The following GPD1L variants were observed in gnomAD, a reference collection of about 807,000 sequenced individuals.
GPD1L encodes glycerol-3-phosphate dehydrogenase 1-like protein.
In GPD1L, 17 loss-of-function variants were observed where a neutral mutation model predicts 32.9. The observed-to-expected ratio is 0.52, with a 90% confidence interval of 0.35 to 0.78. GPD1L has a LOEUF of 0.78. Among genes scored for constraint, GPD1L ranks in the 30% least tolerant of loss-of-function variants. The probability of loss-of-function intolerance (pLI) is 0.01; values close to 1 mark genes in which losing one functional copy is unlikely to be tolerated. For synonymous variants in GPD1L, 187 were observed against 165.9 expected (o/e 1.13, Z -0.98); for missense variants, 361 against 447.8 (o/e 0.81, Z 1.75).
At chr3:32,159,460 T>G in intron 6 of GPD1L, 108 bp from the exon 7 acceptor site, 1 of 760,446 alleles carries the variant, frequency 1.3e-6, no homozygotes, top group Non-Finnish European at 2.1e-6. Context: ...GCAAGACCCA[T>G]TCTCTAAAAA....
In GPD1L at chr3:32,138,735, G is replaced by A. The variant is rs72546650; in HGVS notation, c.366+8G>A. The A allele has an allele frequency of 1.1e-3, 1,806 of 1,613,620 alleles. 16 individuals carry two copies. In the African/African-American group the frequency reaches 0.021, roughly 19 times the overall value. Reference sequence around the variant, plus strand: ...GGAATCACCCTCATCAAGGTAACTCGAGTGCATGCTGCCCAGGGCTAGACA... The same window carrying A: ...GGAATCACCCTCATCAAGGTAACTCAAGTGCATGCTGCCCAGGGCTAGACA... On this transcript the variant is annotated splice_region_variant and intron_variant, in intron 3 of 7. Coordinates refer to ENST00000282541, the MANE Select transcript of GPD1L (RefSeq NM_015141.4).
chr3:32,121,714 C>T (rs11916108), intron 1 of GPD1L, among the ~76,000 whole-genome samples: 5 of 124,414 alleles, frequency 4.0e-5, no homozygotes, highest in African/African-American at 9.0e-5. Context: ...TATATTTCTA[C>T]ATATATTTCT....
chr3:32,106,767 C>A lies in GPD1L; in HGVS notation c.47+9C>A. The A allele has an allele frequency of 6.4e-7, 1 of 1,557,884 alleles. No homozygotes were observed. The highest frequency in any genetic ancestry group is 8.7e-7 in the Non-Finnish European group (1 of 1,152,622). ...GTGGGCTCGGGGAACTGGTGAGCGG[C>A]GGCGGGCTGGAGGCCGGGGCTCCGC... is the stretch of plus-strand genomic sequence containing the variant. On this transcript the variant is annotated intron_variant, in intron 1 of 7. Coordinates refer to ENST00000282541, the MANE Select transcript of GPD1L (RefSeq NM_015141.4). The surrounding 1 kb of genome is among the most constrained non-coding windows in gnomAD (Gnocchi z 4.0).
chr3:32,150,574 C>T (rs1421491893), intron 5 of GPD1L, among the ~76,000 whole-genome samples: 3 of 150,620 alleles, frequency 2.0e-5, no homozygotes, highest in African/African-American at 7.3e-5. Context: ...GCAACCTCTG[C>T]CTTCCAGGTT....
At chr3:32,137,965 G>A (rs1262172497) in intron 2 of GPD1L, among the ~76,000 whole-genome samples, 2 of 152,218 alleles carry the variant, frequency 1.3e-5, no homozygotes, top group Non-Finnish European at 2.9e-5. Flanking sequence ...ACCCCTAAAA[G>A]GGTCAGGGAA....
At chr3:32,153,277 C>G (rs1244378070) in intron 5 of GPD1L, among the ~76,000 whole-genome samples, 2 of 152,212 alleles carry the variant, frequency 1.3e-5, no homozygotes. Context: ...CCTACATAAT[C>G]TGACATGCTA....
At chr3:32,109,737 C>T (rs1038796804) in intron 1 of GPD1L, among the ~76,000 whole-genome samples, 4 of 152,114 alleles carry the variant, frequency 2.6e-5, no homozygotes, top group Non-Finnish European at 5.9e-5. Flanking sequence ...GAGTGTTGCC[C>T]GGTGAAGAGA....
intron 1 of GPD1L, among the ~76,000 whole-genome samples, chr3:32,107,943 G>A (rs1243451433): frequency 6.6e-6 from 1 of 152,194 alleles, no homozygotes; most frequent in Non-Finnish European, 1.5e-5. Flanking sequence ...TGTTGCAGTG[G>A]TGCGATCTTG....
chr3:32,156,027 C>G (rs1700983620), intron 5 of GPD1L, among the ~76,000 whole-genome samples: 1 of 152,154 alleles, frequency 6.6e-6, no homozygotes, highest in Non-Finnish European at 1.5e-5. Flanking sequence ...CTCTGCATAG[C>G]ACTCATCCTA....
rs2125501622 is a variant in GPD1L at position 32,166,014 on chromosome 3, A to C, written c.*104A>C. ...CAACATGATGTTTGACTGTAATCTC[A>C]TCACGGATATGTATGAATTTTTACA... On this transcript the variant is annotated 3_prime_UTR_variant, in exon 8 of 8. Coordinates refer to ENST00000282541, the MANE Select transcript of GPD1L (RefSeq NM_015141.4). 5.4e-6 allele frequency: 4 copies of C among 743,710 alleles called. No homozygotes were observed. The highest frequency in any genetic ancestry group is 9.9e-6 in the Non-Finnish European group (4 of 403,298). The allele number at this position is 743,710 out of a possible 1,614,324, so 46.1% of individuals were successfully genotyped here. A position where few individuals can be genotyped will look rare whatever the true frequency, so the allele number is the denominator to read the frequency against.
intron 5 of GPD1L, chr3:32,151,136 G>T (rs1470201234): frequency 5.7e-6 from 3 of 526,688 alleles, no homozygotes; most frequent in Non-Finnish European, 1.1e-5. Context: ...CCTTCCCACT[G>T]GTTCCCACAA....
At chr3:32,156,465 C>T (rs1700990994) in intron 5 of GPD1L, among the ~76,000 whole-genome samples, 1 of 152,168 alleles carries the variant, frequency 6.6e-6, no homozygotes, top group Non-Finnish European at 1.5e-5. Flanking sequence ...CATTATTGCT[C>T]AGGAAGAGAA....
chr3:32,141,821 G>A (rs942924869), intron 4 of GPD1L, among the ~76,000 whole-genome samples: 2 of 151,904 alleles, frequency 1.3e-5, no homozygotes, highest in Non-Finnish European at 2.9e-5. Flanking sequence ...TTTTAGATTC[G>A]GGGGTACATG....
chr3:32,144,876 G>A (rs1198545334), intron 4 of GPD1L, among the ~76,000 whole-genome samples: 2 of 151,224 alleles, frequency 1.3e-5, no homozygotes, highest in Non-Finnish European at 1.5e-5. Flanking sequence ...GCTAATTTTT[G>A]AATTTTTTGT....
At chr3:32,125,329 C>G (rs1212829068) in intron 1 of GPD1L, among the ~76,000 whole-genome samples, 1 of 152,236 alleles carries the variant, frequency 6.6e-6, no homozygotes, top group East Asian at 1.9e-4. Context: ...CTTAAAATAA[C>G]AAGCATTTAT....
chr3:32,106,655 C>T lies in GPD1L; in HGVS notation c.-57C>T. Reference sequence around the variant, plus strand: ...GCCGCTGCGGGCAAGGCTGAACAGGCGGAGGTGGGCAGCCGGCCAGGGAAG... The same window carrying T: ...GCCGCTGCGGGCAAGGCTGAACAGGTGGAGGTGGGCAGCCGGCCAGGGAAG... On this transcript the variant is annotated 5_prime_UTR_variant, in exon 1 of 8. Transcript: ENST00000282541. The surrounding 1 kb of genome is among the most constrained non-coding windows in gnomAD (Gnocchi z 4.0). The T allele has an allele frequency of 6.2e-6, 9 of 1,459,270 alleles. No homozygotes were observed. The highest frequency in any genetic ancestry group is 1.4e-5 in the South Asian group (1 of 70,154). The allele number at this position is 1,459,270 out of a possible 1,614,324, so 90.4% of individuals were successfully genotyped here. A position where few individuals can be genotyped will look rare whatever the true frequency, so the allele number is the denominator to read the frequency against.
At chr3:32,131,260 T>C (rs1239885437) in intron 2 of GPD1L, among the ~76,000 whole-genome samples, 1 of 152,166 alleles carries the variant, frequency 6.6e-6, no homozygotes, top group Non-Finnish European at 1.5e-5. Context: ...AAAAAACTGC[T>C]TCACTGAGAT....
chr3:32,146,083 C>CTTTTTT (rs59106750), intron 4 of GPD1L, among the ~76,000 whole-genome samples: 5 of 126,150 alleles, frequency 4.0e-5, no homozygotes, highest in Non-Finnish European at 5.0e-5. Flanking sequence ...ATGCTTTTTT[C>CTTTTTT]TTTTTTTTTT....
chr3:32,116,023 C>T (rs986796511), intron 1 of GPD1L, among the ~76,000 whole-genome samples: 4 of 151,806 alleles, frequency 2.6e-5, no homozygotes, highest in South Asian at 2.1e-4. Context: ...CTCCTGACCT[C>T]GTGATGTGCC....
Sources: allele counts gnomAD v4.1 joint callset (sites outside exome capture counted in the v4.1 genomes callset), GRCh38; gene constraint gnomAD v4.1.1; non-coding constraint Gnocchi (gnomAD v3.1); transcripts MANE v1.5; gene names NCBI Gene and HGNC (gene_info 2026-07-23, HGNC 2026-07-21).